LTBP1: variants seen among roughly 807,000 people sequenced by gnomAD.
LTBP1 encodes latent-transforming growth factor beta-binding protein 1.
Under a neutral mutation model 207.6 loss-of-function variants are expected in LTBP1, and 129 were observed. The ratio of observed to expected loss-of-function variants is 0.62; its 90% confidence interval spans 0.54 to 0.72. The LOEUF is 0.72. Ranked by LOEUF, LTBP1 falls within the 30% of genes least tolerant of loss-of-function variation. The pLI, the probability that LTBP1 is intolerant of heterozygous loss-of-function variation, is 0.00. For synonymous variants in LTBP1, 963 were observed against 833.7 expected, an observed-to-expected ratio of 1.16 and a Z score of -2.67; for missense variants, 2,281 against 2,217.2, an observed-to-expected ratio of 1.03 and a Z score of -0.58.
At chr2:33,339,714 C>T (rs372875463) in intron 24 of LTBP1, among the ~76,000 whole-genome samples, 39 of 150,380 alleles carry the variant, frequency 2.6e-4, no homozygotes, top group Middle Eastern at 3.4e-3. Context: ...GGTGTGATCT[C>T]GGCCCACTGC....
At position 33,135,471 on chromosome 2, in the gene LTBP1, T is replaced by C. The variant is rs151302184; in HGVS notation, c.1201+511T>C. On this transcript the variant is annotated intron_variant, in intron 5 of 33. Coordinates refer to ENST00000404816, the MANE Select transcript of LTBP1 (RefSeq NM_206943.4). ...AGAAAAGGATACAGAGTTGCATCTT[T>C]TGCCACGTTTCTGCTCCGTCTCACA... Among the ~76,000 whole-genome samples, 1,298 of 152,300 alleles carry C rather than the reference T, an allele frequency of 8.5e-3. 23 individuals are homozygous for C. Among genetic ancestry groups the C allele is most frequent in the African/African-American group, 0.03 (1,234 of 41,566 alleles).
At chr2:32,984,959 C>CAA (rs1683321353) in intron 2 of LTBP1, among the ~76,000 whole-genome samples, 1 of 151,778 alleles carries the variant, frequency 6.6e-6, no homozygotes, top group South Asian at 2.1e-4. Flanking sequence ...CAAAACAAAA[C>CAA]AAAACCAGTT....
At chr2:33,152,055 A>G (rs2083582976) in intron 5 of LTBP1, among the ~76,000 whole-genome samples, 1 of 152,218 alleles carries the variant, frequency 6.6e-6, no homozygotes, top group African/African-American at 2.4e-5. Context: ...AATAAAAACA[A>G]AGATAAATAG....
At chr2:33,340,856 T>C (rs760947572) in intron 24 of LTBP1, among the ~76,000 whole-genome samples, 1 of 152,034 alleles carries the variant, frequency 6.6e-6, no homozygotes, top group Non-Finnish European at 1.5e-5. Context: ...GATACTATTA[T>C]TTCCATTTAC....
intron 29 of LTBP1, 80 bp downstream of exon 29, chr2:33,363,598 A>AGAAACC: frequency 7.2e-7 from 1 of 1,393,578 alleles, no homozygotes; most frequent in Non-Finnish European, 9.7e-7. Flanking sequence ...TAGTAAAAAC[A>AGAAACC]ATTTCCTTGA....
At chr2:33,295,955 C>G (rs974704038) in intron 20 of LTBP1, among the ~76,000 whole-genome samples, 3 of 152,158 alleles carry the variant, frequency 2.0e-5, no homozygotes, top group Non-Finnish European at 4.4e-5. Flanking sequence ...CTTGGCCACT[C>G]CTAGTGGAAC....
intron 3 of LTBP1, among the ~76,000 whole-genome samples, chr2:33,046,080 C>G (rs2076427555): frequency 6.6e-6 from 1 of 152,080 alleles, no homozygotes; most frequent in African/African-American, 2.4e-5. Context: ...TTTGACTTCT[C>G]TCGTCCTATT....
intron 3 of LTBP1, among the ~76,000 whole-genome samples, chr2:33,042,547 T>C (rs13393464): frequency 0.13 from 19,824 of 152,112 alleles, 1,408 homozygotes; most frequent in South Asian, 0.21. Flanking sequence ...GGATTAGACA[T>C]GCCAAAGGGA....
intron 32 of LTBP1, among the ~76,000 whole-genome samples, chr2:33,396,912 A>T (rs948432974): frequency 6.6e-6 from 1 of 152,244 alleles, no homozygotes; most frequent in East Asian, 1.9e-4. Flanking sequence ...GAATATCAGA[A>T]TTCAAAATGA....
At chr2:33,126,698 A>G (rs985061910) in intron 4 of LTBP1, among the ~76,000 whole-genome samples, 1 of 152,222 alleles carries the variant, frequency 6.6e-6, no homozygotes, top group South Asian at 2.1e-4. Context: ...ATTTTGGGAA[A>G]AGGATATTGA....
Position 33,398,547 on chromosome 2 carries a change from A to G in LTBP1, c.*2A>G, listed in dbSNP as rs2095380654. Reference sequence around the variant, plus strand: ...GAGAAAGACAGTGACCTGGAGTGAAACAGAATCTACATAACCTAAGCCCAT... The same window carrying G: ...GAGAAAGACAGTGACCTGGAGTGAAGCAGAATCTACATAACCTAAGCCCAT... On this transcript the variant is annotated 3_prime_UTR_variant, in exon 34 of 34. Transcript: ENST00000404816. The G allele has an allele frequency of 6.2e-7, 1 of 1,613,224 alleles. No individual in the cohort carries two copies. The highest frequency in any genetic ancestry group is 8.5e-7 in the Non-Finnish European group (1 of 1,179,556).
rs753308816 is a variant in LTBP1, at chr2:33,364,282, A to T, written c.4466A>T (p.Tyr1489Phe). 10 of 1,613,950 alleles carry T rather than the reference A, an allele frequency of 6.2e-6. No individual in the cohort carries two copies. Among genetic ancestry groups the T allele is most frequent in the Non-Finnish European group, 8.5e-6 (10 of 1,179,926 alleles). The change falls in exon 30 of 34, where the codon TAC becomes TTC. Residue 1489 changes from tyrosine to phenylalanine, a missense_variant. Tyr to Phe is a conservative substitution (Grantham distance 22). Transcript: ENST00000404816. ...CAGTGTGTTAATACAGAGGGCTCTT[A>T]CAACTGCTTCTGTACTCACCCCATG... ...DGQCVNTEGSYNCFCTHPMVL... is the reference protein window; with the variant it reads ...DGQCVNTEGSFNCFCTHPMVL...
intron 7 of LTBP1, among the ~76,000 whole-genome samples, chr2:33,215,579 C>T (rs767348264): frequency 9.9e-5 from 15 of 152,124 alleles, no homozygotes; most frequent in Non-Finnish European, 1.8e-4. Context: ...AGAAACGCTG[C>T]CCCTGGAGGC....
intron 5 of LTBP1, among the ~76,000 whole-genome samples, chr2:33,186,152 T>C (rs927464175): frequency 1.3e-5 from 2 of 152,254 alleles, no homozygotes; most frequent in Admixed American, 6.5e-5. Flanking sequence ...CAAACTATTC[T>C]ACTTATTTGT....
intron 9 of LTBP1, among the ~76,000 whole-genome samples, chr2:33,240,325 C>T (rs376339175): frequency 6.6e-6 from 1 of 152,236 alleles, no homozygotes; most frequent in African/African-American, 2.4e-5. Flanking sequence ...TCACCTATCA[C>T]GTTCCAAACA....
intron 9 of LTBP1, among the ~76,000 whole-genome samples, chr2:33,231,466 C>T (rs1465915626): frequency 6.6e-6 from 1 of 152,032 alleles, no homozygotes; most frequent in African/African-American, 2.4e-5. Flanking sequence ...AATGAGACTC[C>T]ACAGTCTTGA....
At chr2:33,048,022 G>A (rs1344615350) in intron 3 of LTBP1, among the ~76,000 whole-genome samples, 1 of 152,072 alleles carries the variant, frequency 6.6e-6, no homozygotes, top group East Asian at 1.9e-4. Flanking sequence ...TTGCATGTGA[G>A]ATGGAAAAAG....
At chr2:33,249,583 C>T (rs974918235) in intron 10 of LTBP1, among the ~76,000 whole-genome samples, 1 of 152,124 alleles carries the variant, frequency 6.6e-6, no homozygotes, top group African/African-American at 2.4e-5. Context: ...TGATTTGGTA[C>T]TATACTTGGG....
chr2:33,216,408 G>C (rs1052260516), intron 7 of LTBP1, among the ~76,000 whole-genome samples: 6 of 152,150 alleles, frequency 3.9e-5, no homozygotes, highest in African/African-American at 1.4e-4. Flanking sequence ...AAAATAAAGA[G>C]CCCTTTGGTA....
Sources: gnomAD v4.1 joint callset for allele counts (sites outside exome capture counted in the v4.1 genomes callset) on GRCh38, gnomAD v4.1.1 for gene constraint, MANE v1.5 for transcripts, NCBI Gene and HGNC (gene_info 2026-07-23, HGNC 2026-07-21) for gene names.